Variants in DSE observed in about 807,000 individuals in gnomAD.
The protein encoded by DSE is dermatan-sulfate epimerase.
DSE carries 36 observed loss-of-function variants against 84.4 expected under a neutral mutation model. That is an observed-to-expected ratio of 0.43 (90% CI 0.33 to 0.56). The LOEUF (loss-of-function observed/expected upper bound fraction) is 0.56, where lower values mean the gene tolerates loss of function less well. Ranked by LOEUF, DSE falls within the 20% of genes least tolerant of loss-of-function variation. DSE has a pLI of 0.06. For synonymous variants in DSE, 410 were observed against 430.1 expected, an observed-to-expected ratio of 0.95 and a Z score of 0.58; for missense variants, 862 against 1,169.6, an observed-to-expected ratio of 0.74 and a Z score of 3.84.
chr6:116,436,409 G>A lies in DSE; in HGVS notation c.1941G>A (p.Val647=), dbSNP rs746760293. ...ATCCCTACAATGGGACAAACTATGT[G>A]AATGTCACCATGCACCTCCGAAGTC... The part of the protein sequence containing the change: ...RGYPYNGTNY[V]NVTMHLRSPI... The change falls in exon 6 of 6, where the codon GTG becomes GTA. Residue 647 remains valine, a synonymous_variant. Coordinates refer to ENST00000644252, the MANE Select transcript of DSE (RefSeq NM_013352.4). 5.0e-6 allele frequency: 8 copies of A among 1,613,994 alleles called. No individual in the cohort carries two copies. The highest frequency in any genetic ancestry group is 1.6e-4 in the Middle Eastern group (1 of 6,084).
At chr6:116,314,055 G>A (rs1025293406) in intron 2 of DSE, among the ~76,000 whole-genome samples, 6 of 152,084 alleles carry the variant, frequency 3.9e-5, no homozygotes, top group Non-Finnish European at 8.8e-5. Flanking sequence ...AAGCCTCTCA[G>A]CCACTGCCTT....
chr6:116,273,192 C>G (rs1310199243), intron 2 of DSE, among the ~76,000 whole-genome samples: 2 of 152,166 alleles, frequency 1.3e-5, no homozygotes, highest in Admixed American at 6.5e-5. Context: ...CAGGTCATAT[C>G]TAAGACATAT....
chr6:116,299,500 A>G (rs905196706), intron 2 of DSE, among the ~76,000 whole-genome samples: 2 of 89,508 alleles, frequency 2.2e-5, no homozygotes, highest in Non-Finnish European at 4.9e-5. Context: ...TTCTTGAATT[A>G]TTTTTATATA....
intron 2 of DSE, among the ~76,000 whole-genome samples, chr6:116,297,292 G>A (rs756129078): frequency 1.3e-5 from 2 of 152,046 alleles, no homozygotes; most frequent in Non-Finnish European, 2.9e-5. Context: ...CCTCTTGGGT[G>A]GAGAACAACT....
intron 2 of DSE, among the ~76,000 whole-genome samples, chr6:116,299,557 T>TATATATATATAC (rs1562213648): frequency 1.4e-5 from 1 of 69,304 alleles, no homozygotes; most frequent in Non-Finnish European, 2.8e-5. Flanking sequence ...TATATACACA[T>TATATATATATAC]ACACACACAC....
chr6:116,419,941 T>C (rs532020426), intron 2 of DSE, among the ~76,000 whole-genome samples: 2 of 152,174 alleles, frequency 1.3e-5, no homozygotes, highest in Non-Finnish European at 2.9e-5. Context: ...TAAAGTCTCA[T>C]TTAAATACAC....
chr6:116,304,044 G>A (rs983636725), intron 2 of DSE, among the ~76,000 whole-genome samples: 1 of 151,572 alleles, frequency 6.6e-6, no homozygotes, highest in Non-Finnish European at 1.5e-5. Flanking sequence ...GCTGAGGCAG[G>A]AGAATGAGGT....
At chr6:116,307,785 G>A (rs58668938) in intron 2 of DSE, among the ~76,000 whole-genome samples, 2 of 152,180 alleles carry the variant, frequency 1.3e-5, no homozygotes, top group African/African-American at 4.8e-5. Flanking sequence ...AAAGAAGTGT[G>A]TACAAGATAA....
intron 2 of DSE, among the ~76,000 whole-genome samples, chr6:116,340,109 T>C (rs1229374514): frequency 6.6e-6 from 1 of 152,230 alleles, no homozygotes; most frequent in Non-Finnish European, 1.5e-5. Context: ...GAGAAGAGTT[T>C]CAGGCAGAAG....
intron 2 of DSE, among the ~76,000 whole-genome samples, chr6:116,357,303 C>T (rs879699134): frequency 7.9e-5 from 12 of 152,056 alleles, no homozygotes; most frequent in Admixed American, 1.3e-4. Flanking sequence ...GAGGCCAAGG[C>T]GGGTGGATGA....
intron 2 of DSE, among the ~76,000 whole-genome samples, chr6:116,264,383 C>A (rs1298746525): frequency 6.6e-6 from 1 of 152,030 alleles, no homozygotes; most frequent in African/African-American, 2.4e-5. Flanking sequence ...TATTAATACC[C>A]ATGATTGCAT....
intron 2 of DSE, among the ~76,000 whole-genome samples, chr6:116,329,595 T>G (rs1776819046): frequency 6.6e-6 from 1 of 152,246 alleles, no homozygotes; most frequent in Non-Finnish European, 1.5e-5. Context: ...TTCATCACTA[T>G]TTCCATATCT....
chr6:116,308,746 C>T (rs901389624), intron 2 of DSE, among the ~76,000 whole-genome samples: 49 of 151,908 alleles, frequency 3.2e-4, no homozygotes, highest in Admixed American at 9.8e-4. Flanking sequence ...GGCATGATCT[C>T]GGCTCACTGC....
intron 1 of DSE, among the ~76,000 whole-genome samples, chr6:116,395,116 G>T (rs1331886982): frequency 6.6e-6 from 1 of 152,264 alleles, no homozygotes; most frequent in Non-Finnish European, 1.5e-5. Flanking sequence ...GTTTGTGTTT[G>T]TTTCATAGTG....
intron 2 of DSE, among the ~76,000 whole-genome samples, chr6:116,280,741 G>A (rs1297741765): frequency 2.6e-5 from 4 of 152,180 alleles, no homozygotes; most frequent in Non-Finnish European, 5.9e-5. Context: ...AGTTAAACTG[G>A]TGCTGTCTTA....
chr6:116,325,363 T>C (rs1268452850), intron 2 of DSE, among the ~76,000 whole-genome samples: 1 of 152,240 alleles, frequency 6.6e-6, no homozygotes, highest in East Asian at 1.9e-4. Context: ...TACTGCATGA[T>C]ACATAATCTC....
chr6:116,288,289 C>T (rs1393548052), intron 2 of DSE: 1 of 152,052 alleles, frequency 6.6e-6, no homozygotes, highest in Non-Finnish European at 1.5e-5. Context: ...TATAAGCTTT[C>T]AATGAATAGA....
upstream of DSE, among the ~76,000 whole-genome samples, chr6:116,369,638 C>G (rs899421092): frequency 4.6e-5 from 7 of 152,298 alleles, no homozygotes; most frequent in Non-Finnish European, 7.4e-5. Context: ...CTTCTCTCCT[C>G]GACAGGCCTT....
chr6:116,329,308 A>G (rs73767744), intron 2 of DSE, among the ~76,000 whole-genome samples: 6,700 of 152,330 alleles, frequency 0.044, 254 homozygotes, highest in African/African-American at 0.095. Context: ...AGGCTTACAT[A>G]GTACCACAGG....
Sources: allele counts gnomAD v4.1 joint callset (sites outside exome capture counted in the v4.1 genomes callset), GRCh38; gene constraint gnomAD v4.1.1; transcripts MANE v1.5; gene names NCBI Gene and HGNC (gene_info 2026-07-23, HGNC 2026-07-21).